Variants in PTPRD observed in about 807,000 individuals in gnomAD.
The protein encoded by PTPRD is protein tyrosine phosphatase receptor type D, also known as receptor-type tyrosine-protein phosphatase delta.
A neutral mutation model predicts 214.5 loss-of-function variants in PTPRD; 34 were observed. The ratio of observed to expected loss-of-function variants is 0.16; its 90% confidence interval spans 0.12 to 0.21. PTPRD has a LOEUF of 0.21. Among genes scored for constraint, PTPRD ranks in the 10% least tolerant of loss-of-function variants. The probability of loss-of-function intolerance (pLI) is 1.00; values close to 1 mark genes in which losing one functional copy is unlikely to be tolerated. For missense variants in PTPRD, 2,545 were observed against 2,398.7 expected, an observed-to-expected ratio of 1.06 and a Z score of -1.27; for synonymous variants, 1,128 against 845.7, an observed-to-expected ratio of 1.33 and a Z score of -5.79.
At chr9:10,074,217 C>T (rs985230300) in intron 3 of PTPRD, among the ~76,000 whole-genome samples, 4 of 152,112 alleles carry the variant, frequency 2.6e-5, no homozygotes, top group African/African-American at 4.8e-5. Context: ...GCTTATGTGC[C>T]ATTTAAGACC....
At chr9:9,980,506 G>C (rs890822537) in intron 4 of PTPRD, among the ~76,000 whole-genome samples, 12 of 149,878 alleles carry the variant, frequency 8.0e-5, no homozygotes, top group Non-Finnish European at 1.2e-4. Flanking sequence ...TACTTCGGAG[G>C]CTGAGGTCGG....
Position 10,079,835 on chromosome 9 carries a change from A to G in PTPRD, c.-544-46045T>C, listed in dbSNP as rs139462064. On this transcript the variant is annotated intron_variant, in intron 3 of 45. Transcript: ENST00000381196. ...AAATAGGTCTATTGTCACCGACCCT[A>G]AAGGATATGAAGTGCACATAGTTAG... Among the ~76,000 whole-genome samples the G allele has an allele frequency of 2.5e-4, 38 of 152,258 alleles. 1 individual carries two copies. The East Asian group carries it at 7.4e-3, about 30-fold the overall frequency.
At chr9:9,844,114 G>T (rs1439523234) in intron 5 of PTPRD, among the ~76,000 whole-genome samples, 1 of 151,970 alleles carries the variant, frequency 6.6e-6, no homozygotes, top group African/African-American at 2.4e-5. Context: ...CTTAATGAAA[G>T]TAGCAATTGA....
At chr9:9,665,745 G>C (rs2154382963) in intron 7 of PTPRD, among the ~76,000 whole-genome samples, 1 of 151,844 alleles carries the variant, frequency 6.6e-6, no homozygotes, top group South Asian at 2.1e-4. Context: ...TAATGTAAAA[G>C]TGAAGTCTTC....
chr9:8,321,244 C>T (rs777223094), intron 44 of PTPRD, among the ~76,000 whole-genome samples: 2 of 151,598 alleles, frequency 1.3e-5, no homozygotes, highest in African/African-American at 4.8e-5. Flanking sequence ...CAGAGTCTAT[C>T]TTACCTTGCC....
At chr9:10,401,389 T>C (rs1450679852) in intron 2 of PTPRD, among the ~76,000 whole-genome samples, 1 of 151,296 alleles carries the variant, frequency 6.6e-6, no homozygotes, top group Non-Finnish European at 1.5e-5. Context: ...AGGAGTCTCT[T>C]GGGAGATAGT....
chr9:9,185,873 C>CTT (rs5896308), intron 9 of PTPRD, among the ~76,000 whole-genome samples: 90 of 146,760 alleles, frequency 6.1e-4, no homozygotes, highest in Middle Eastern at 7.0e-3. Flanking sequence ...AATTTTTTTT[C>CTT]TTTTTTTTTT....
chr9:10,383,895 C>T (rs941966253), intron 2 of PTPRD, among the ~76,000 whole-genome samples: 2 of 151,652 alleles, frequency 1.3e-5, no homozygotes, highest in African/African-American at 4.8e-5. Context: ...GCAAAAGAAA[C>T]AATTTATCTA....
chr9:9,847,830 G>C (rs1000702457), intron 5 of PTPRD, among the ~76,000 whole-genome samples: 7 of 152,086 alleles, frequency 4.6e-5, no homozygotes, highest in Non-Finnish European at 8.8e-5. Context: ...GCTGGGAAAT[G>C]AAAGTGCTTT....
chr9:9,443,783 G>C (rs1019468991), intron 8 of PTPRD, among the ~76,000 whole-genome samples: 1 of 152,130 alleles, frequency 6.6e-6, no homozygotes, highest in Non-Finnish European at 1.5e-5. Flanking sequence ...GTGCCAAGCT[G>C]ACCCTCTGGA....
intron 3 of PTPRD, among the ~76,000 whole-genome samples, chr9:10,325,918 C>A (rs2096634687): frequency 6.6e-6 from 1 of 151,652 alleles, no homozygotes; most frequent in African/African-American, 2.4e-5. Flanking sequence ...AATTTACACC[C>A]CACTGTAATA....
chr9:9,447,928 G>A (rs2090989134), intron 8 of PTPRD, among the ~76,000 whole-genome samples: 1 of 152,088 alleles, frequency 6.6e-6, no homozygotes, highest in Non-Finnish European at 1.5e-5. Flanking sequence ...AAAGATCAAG[G>A]AGATGCTCAG....
intron 7 of PTPRD, among the ~76,000 whole-genome samples, chr9:9,621,402 C>A (rs1038474337): frequency 1.3e-5 from 2 of 152,138 alleles, no homozygotes; most frequent in Admixed American, 6.5e-5. Flanking sequence ...CTCATAAAGA[C>A]ACAATTTTCT....
intron 10 of PTPRD, among the ~76,000 whole-genome samples, chr9:9,085,016 T>C (rs2099764941): frequency 6.6e-6 from 1 of 152,184 alleles, no homozygotes; most frequent in Non-Finnish European, 1.5e-5. Context: ...CTATCTTTGC[T>C]ACTGTATAGT....
chr9:8,600,671 C>T (rs2094801570), intron 14 of PTPRD, among the ~76,000 whole-genome samples: 1 of 151,822 alleles, frequency 6.6e-6, no homozygotes, highest in South Asian at 2.1e-4. Flanking sequence ...AGAAGGGAAC[C>T]TGCTGCCTTG....
At chr9:8,482,770 T>C (rs2096914337) in intron 30 of PTPRD, among the ~76,000 whole-genome samples, 1 of 152,198 alleles carries the variant, frequency 6.6e-6, no homozygotes, top group African/African-American at 2.4e-5. Context: ...TTGCCACTTG[T>C]GGCCAGGCGC....
intron 9 of PTPRD, among the ~76,000 whole-genome samples, chr9:9,225,753 G>T (rs1382638839): frequency 2.0e-5 from 3 of 152,030 alleles, no homozygotes; most frequent in Non-Finnish European, 4.4e-5. Flanking sequence ...AAGCAACAGA[G>T]AATTTTGCCC....
Position 8,317,842 on chromosome 9 carries a change from T to C in PTPRD, c.*32A>G. 1.2e-6 allele frequency: 2 copies of C among 1,602,266 alleles called. No individual in the cohort carries two copies. Among genetic ancestry groups the C allele is most frequent in the Non-Finnish European group, 1.7e-6 (2 of 1,169,990 alleles). On this transcript the variant is annotated 3_prime_UTR_variant, in exon 46 of 46. Transcript: ENST00000381196. ...GAGACTCCATGGATATTGAAGGGCC[T>C]GTAGTAAAAATCCAGAATGGGTCAG...
At chr9:10,224,314 G>T (rs2099581535) in intron 3 of PTPRD, among the ~76,000 whole-genome samples, 2 of 151,946 alleles carry the variant, frequency 1.3e-5, no homozygotes, top group African/African-American at 4.8e-5. Context: ...GCACAAATTT[G>T]TATGGATTAG....
Sources: allele counts gnomAD v4.1 joint callset (sites outside exome capture counted in the v4.1 genomes callset), GRCh38; gene constraint gnomAD v4.1.1; transcripts MANE v1.5; gene names NCBI Gene and HGNC (gene_info 2026-07-23, HGNC 2026-07-21).